MGAT4C: variants seen among roughly 807,000 people sequenced by gnomAD.
MGAT4C encodes MGAT4 family member C.
In MGAT4C, 19 loss-of-function variants were observed where a neutral mutation model predicts 40.1. That is an observed-to-expected ratio of 0.47 (90% CI 0.33 to 0.70). MGAT4C has a LOEUF of 0.70. Ranked by LOEUF, MGAT4C falls within the 30% of genes least tolerant of loss-of-function variation. The probability of loss-of-function intolerance (pLI) is 0.02; values close to 1 mark genes in which losing one functional copy is unlikely to be tolerated. For missense variants in MGAT4C, 491 were observed against 563.2 expected (o/e 0.87, Z 1.30); for synonymous variants, 181 against 187.1 (o/e 0.97, Z 0.27).
At position 86,622,160 on chromosome 12, in the gene MGAT4C, T is replaced by G. The variant is rs545665062; in HGVS notation, c.-229+105049A>C. On this transcript the variant is annotated intron_variant, in intron 2 of 7. Transcript: ENST00000548651. The stretch of plus-strand genomic sequence containing the variant: ...TATGAGTGGTTTATTGTGACGTAAT[T>G]TTATTGGTAAATGGGGAAGTATCTG... Among the ~76,000 whole-genome samples the G allele has an allele frequency of 2.0e-3, 311 of 152,284 alleles. 2 individuals carry two copies. The highest frequency in any genetic ancestry group is 3.5e-3 in the Non-Finnish European group (241 of 68,016).
chr12:86,199,535 T>G (rs572260386), intron 1 of MGAT4C, among the ~76,000 whole-genome samples: 1 of 152,290 alleles, frequency 6.6e-6, no homozygotes, highest in African/African-American at 2.4e-5. Context: ...ATGTGTGTGT[T>G]TTTTATGTGT....
In MGAT4C at chr12:86,032,262, T is replaced by C. The variant is rs372293127; in HGVS notation, c.-7+17412A>G. 5.3e-5 allele frequency among the ~76,000 whole-genome samples: 8 copies of C among 152,142 alleles called. No individual in the cohort carries two copies. The East Asian group carries it at 5.8e-4, about 11-fold the overall frequency. ...TTATGGTAGAATGATTTATTTTCCT[T>C]TGAGTATATACCAAATAATAGGATT... On this transcript the variant is annotated intron_variant, in intron 2 of 4. Transcript: ENST00000611864.
intron 2 of MGAT4C, among the ~76,000 whole-genome samples, chr12:86,453,241 T>G (rs1217312460): frequency 6.6e-6 from 1 of 152,134 alleles, no homozygotes; most frequent in African/African-American, 2.4e-5. Context: ...GTTAGTTTGG[T>G]TCATTAATAA....
intron 3 of MGAT4C, among the ~76,000 whole-genome samples, chr12:86,399,826 T>C (rs1005028207): frequency 1.3e-5 from 2 of 152,204 alleles, no homozygotes. Flanking sequence ...TAACTTCACC[T>C]GGCTGATTAT....
At chr12:86,621,486 T>C (rs907858430) in intron 2 of MGAT4C, among the ~76,000 whole-genome samples, 1 of 152,160 alleles carries the variant, frequency 6.6e-6, no homozygotes, top group Admixed American at 6.5e-5. Flanking sequence ...GTTGGCTGGT[T>C]GGTTGGTTTT....
Position 86,722,257 on chromosome 12 carries a change from ACAGG to A in MGAT4C, c.-229+4948_-229+4951del, listed in dbSNP as rs1351342198. 8.8e-4 allele frequency among the ~76,000 whole-genome samples: 134 copies of A among 152,272 alleles called. 1 individual carries two copies. Among genetic ancestry groups the A allele is most frequent in the East Asian group, 9.7e-4 (5 of 5,170 alleles). On this transcript the variant is annotated intron_variant, in intron 2 of 7. Coordinates refer to the MGAT4C transcript ENST00000548651. ...CGAAAGAGGGAACTGTAGCATTGCT[ACAGG>A]CCAGAGAAGACTCTGAGCATGCATC...
At chr12:86,720,199 T>G (rs751072426) in intron 2 of MGAT4C, among the ~76,000 whole-genome samples, 1 of 152,160 alleles carries the variant, frequency 6.6e-6, no homozygotes, top group African/African-American at 2.4e-5. Context: ...CTTTCTTGCT[T>G]TGTTATCTCT....
At chr12:86,166,172 G>A (rs1398644049) in intron 1 of MGAT4C, among the ~76,000 whole-genome samples, 1 of 152,112 alleles carries the variant, frequency 6.6e-6, no homozygotes, top group Non-Finnish European at 1.5e-5. Context: ...CACATATATA[G>A]AAGTATAGTC....
intron 1 of MGAT4C, among the ~76,000 whole-genome samples, chr12:86,180,139 T>C (rs570116091): frequency 6.6e-6 from 1 of 152,342 alleles, no homozygotes; most frequent in African/African-American, 2.4e-5. Flanking sequence ...GCTTGGGCTC[T>C]GGGTTTAGAG....
At chr12:86,363,500 T>C (rs1025472267) in intron 3 of MGAT4C, among the ~76,000 whole-genome samples, 1 of 151,910 alleles carries the variant, frequency 6.6e-6, no homozygotes, top group Non-Finnish European at 1.5e-5. Flanking sequence ...AATGCTTACA[T>C]TAGAAAAGAA....
At chr12:86,832,643 T>C (rs1043114468) in intron 1 of MGAT4C, among the ~76,000 whole-genome samples, 16 of 151,862 alleles carry the variant, frequency 1.1e-4, no homozygotes, top group African/African-American at 3.6e-4. Flanking sequence ...TTTTTATAGC[T>C]TTTCTCATAG....
At chr12:86,027,456 G>T (rs1890340680) in intron 2 of MGAT4C, among the ~76,000 whole-genome samples, 1 of 151,592 alleles carries the variant, frequency 6.6e-6, no homozygotes. Flanking sequence ...AAATGTTATA[G>T]TATGATGTAC....
At chr12:86,132,301 A>G (rs1881301247) in intron 1 of MGAT4C, among the ~76,000 whole-genome samples, 1 of 152,178 alleles carries the variant, frequency 6.6e-6, no homozygotes, top group African/African-American at 2.4e-5. Flanking sequence ...TACCAAGGAG[A>G]ATATGAACTT....
intron 3 of MGAT4C, among the ~76,000 whole-genome samples, chr12:86,414,867 G>C (rs1427001045): frequency 6.6e-6 from 1 of 152,044 alleles, no homozygotes; most frequent in African/African-American, 2.4e-5. Flanking sequence ...TGCATTCCAT[G>C]TTATTAATGA....
chr12:86,545,961 T>C (rs1280508618), intron 2 of MGAT4C, among the ~76,000 whole-genome samples: 1 of 151,994 alleles, frequency 6.6e-6, no homozygotes, highest in Non-Finnish European at 1.5e-5. Flanking sequence ...AGATTATATT[T>C]TTTCTTATCA....
chr12:86,796,140 CTTG>C (rs372215681), intron 1 of MGAT4C, among the ~76,000 whole-genome samples: 14 of 146,886 alleles, frequency 9.5e-5, no homozygotes, highest in African/African-American at 2.2e-4. Flanking sequence ...ATTTCTGTGA[CTTG>C]TTTTTTTTTT....
chr12:86,261,144 C>T (rs1952649540), upstream of MGAT4C, among the ~76,000 whole-genome samples: 1 of 152,118 alleles, frequency 6.6e-6, no homozygotes, highest in African/African-American at 2.4e-5. Context: ...TTGTCTAGCA[C>T]TACCTTGTAC....
intron 2 of MGAT4C, among the ~76,000 whole-genome samples, chr12:86,518,444 C>T (rs533015478): frequency 6.6e-6 from 1 of 152,254 alleles, no homozygotes. Flanking sequence ...AAAATATGTT[C>T]AAACTTATTT....
chr12:86,623,419 C>T (rs1305359336), intron 2 of MGAT4C, among the ~76,000 whole-genome samples: 1 of 151,990 alleles, frequency 6.6e-6, no homozygotes, highest in Admixed American at 6.6e-5. Context: ...GTTATATTTA[C>T]AGTAAGCATT....
Sources: gnomAD v4.1 joint callset for allele counts (sites outside exome capture counted in the v4.1 genomes callset) on GRCh38, gnomAD v4.1.1 for gene constraint, MANE v1.5 for transcripts, NCBI Gene and HGNC (gene_info 2026-07-23, HGNC 2026-07-21) for gene names.